Variants in RPGRIP1L observed in about 807,000 individuals in gnomAD.
RPGRIP1L encodes RPGRIP1 like, also known as protein fantom.
A neutral mutation model predicts 160.4 loss-of-function variants in RPGRIP1L; 131 were observed. The observed-to-expected ratio is 0.82, with a 90% CI of 0.71 to 0.94. The LOEUF (loss-of-function observed/expected upper bound fraction) is 0.94, where lower values mean the gene tolerates loss of function less well. Ranked by LOEUF, RPGRIP1L falls within the 40% of genes least tolerant of loss-of-function variation. The pLI is 0.00. For missense variants in RPGRIP1L, 1,522 were observed against 1,535.8 expected, an observed-to-expected ratio of 0.99 and a Z score of 0.15; for synonymous variants, 510 against 515.8, an observed-to-expected ratio of 0.99 and a Z score of 0.15.
chr16:53,634,354 T>A (rs995179077), intron 22 of RPGRIP1L, among the ~76,000 whole-genome samples: 1 of 152,284 alleles, frequency 6.6e-6, no homozygotes, highest in Middle Eastern at 3.4e-3. Context: ...CATTAGCCAT[T>A]ATGATTTCTT....
At chr16:53,652,333 A>G (rs1225362245) in intron 15 of RPGRIP1L, among the ~76,000 whole-genome samples, 1 of 152,174 alleles carries the variant, frequency 6.6e-6, no homozygotes, top group Non-Finnish European at 1.5e-5. Flanking sequence ...TCGGCCTCCC[A>G]AAGTGCTGGG....
chr16:53,691,116 T>C (rs1415932736), intron 4 of RPGRIP1L, among the ~76,000 whole-genome samples: 1 of 151,974 alleles, frequency 6.6e-6, no homozygotes, highest in Non-Finnish European at 1.5e-5. Flanking sequence ...TTCGTTTTTT[T>C]TTTTTTAATT....
chr16:53,657,198 C>A (rs1353541562), intron 13 of RPGRIP1L, among the ~76,000 whole-genome samples: 1 of 151,930 alleles, frequency 6.6e-6, no homozygotes, highest in Admixed American at 6.6e-5. Context: ...CACGATTGCG[C>A]CACTGGATTC....
At chr16:53,685,282 TG>T (rs1969921740) in intron 6 of RPGRIP1L, among the ~76,000 whole-genome samples, 1 of 152,238 alleles carries the variant, frequency 6.6e-6, no homozygotes, top group Non-Finnish European at 1.5e-5. Context: ...TCAACCATTG[TG>T]TAAGACTGTG....
At chr16:53,624,224 T>G (rs368265628) in intron 22 of RPGRIP1L, among the ~76,000 whole-genome samples, 6 of 152,188 alleles carry the variant, frequency 3.9e-5, no homozygotes, top group African/African-American at 1.4e-4. Context: ...CAGAACTATG[T>G]GAAGCTGCAG....
intron 2 of RPGRIP1L, among the ~76,000 whole-genome samples, chr16:53,697,022 C>CT (rs1970820078): frequency 6.6e-6 from 1 of 151,912 alleles, no homozygotes; most frequent in Non-Finnish European, 1.5e-5. Flanking sequence ...GGTGAAACCC[C>CT]GTCTCTACTA....
At chr16:53,651,381 T>C (rs1281499212) in intron 15 of RPGRIP1L, among the ~76,000 whole-genome samples, 1 of 152,202 alleles carries the variant, frequency 6.6e-6, no homozygotes, top group Non-Finnish European at 1.5e-5. Context: ...AACGGTCCTA[T>C]TTTCCCTCTT....
intron 4 of RPGRIP1L, among the ~76,000 whole-genome samples, chr16:53,691,542 T>C (rs1002819977): frequency 1.3e-4 from 20 of 152,222 alleles, no homozygotes; most frequent in Non-Finnish European, 2.1e-4. Flanking sequence ...AGGGTCAGAT[T>C]GATTAGGAGA....
intron 25 of RPGRIP1L, chr16:53,608,038 G>C (rs758708402): frequency 1.2e-6 from 1 of 850,592 alleles, no homozygotes; most frequent in African/African-American, 1.8e-5. Context: ...CAGGTGGAAG[G>C]AAGAACAGGA....
chr16:53,692,121 G>A lies in RPGRIP1L; in HGVS notation c.474C>T (p.Asn158=). The A allele has an allele frequency of 6.2e-7, 1 of 1,613,956 alleles. No homozygotes were observed. Among genetic ancestry groups the A allele is most frequent in the South Asian group, 1.1e-5 (1 of 91,076 alleles). Reference sequence around the variant, plus strand: ...TTTCATTTGCTTTTCTACGCCCAGTGTTAATACGAGATTGTACATTATTGT... The same window carrying A: ...TTTCATTTGCTTTTCTACGCCCAGTATTAATACGAGATTGTACATTATTGT... ...TPYNNVQSRI[N]TGRRKANENA... The change falls in exon 4 of 27, where the codon AAC becomes AAT. Residue 158 remains asparagine (N), a synonymous_variant. Coordinates refer to ENST00000647211, the MANE Select transcript of RPGRIP1L (RefSeq NM_015272.5).
chr16:53,670,700 C>T (rs1442411058), intron 9 of RPGRIP1L, among the ~76,000 whole-genome samples: 1 of 152,102 alleles, frequency 6.6e-6, no homozygotes, highest in Non-Finnish European at 1.5e-5. Flanking sequence ...TAAGTGGACA[C>T]CTTTGCTTTT....
rs569876518 is a variant in RPGRIP1L, at chr16:53,671,012, G to T, written c.1103+498C>A. ...CTCAGGCTGCTGAGGTGGGAGGATT[G>T]TTTGAGCCCAGGAAGTTGAGGCTGC... On this transcript the variant is annotated intron_variant, in intron 9 of 26. Transcript: ENST00000647211. Among the ~76,000 whole-genome samples the T allele has an allele frequency of 2.2e-4, 34 of 152,206 alleles. No individual in the cohort carries two copies. The East Asian group carries it at 6.4e-3, about 29-fold the overall frequency.
rs564150035 is a variant in RPGRIP1L, at chr16:53,601,761, C to T, written c.*315G>A. ...AAAAATAAAAATGGGAATTGCATTT[C>T]GGTTCTTCCTAAGAAAATGTTGAAA... On this transcript the variant is annotated 3_prime_UTR_variant, in exon 27 of 27. Coordinates refer to ENST00000647211, the MANE Select transcript of RPGRIP1L (RefSeq NM_015272.5). 2.7e-5 allele frequency: 7 copies of T among 260,070 alleles called. No homozygotes were observed. Among genetic ancestry groups the T allele is most frequent in the South Asian group, 1.9e-4 (3 of 16,194 alleles). 16.1% of individuals were successfully genotyped at this position (260,070 alleles called of 1,614,324 possible).
At position 53,662,632 on chromosome 16, in the gene RPGRIP1L, GT is replaced by G. The variant is rs1247299302; in HGVS notation, c.1243+2237del. ...AGATTTTCTTAAATAGACAGTTTCG[GT>G]TTTTTTGTGTATTATTTCCTTGGAA... On this transcript the variant is annotated intron_variant, in intron 10 of 26. Transcript: ENST00000647211. 3.3e-5 allele frequency among the ~76,000 whole-genome samples: 5 copies of G among 152,002 alleles called. No homozygotes were observed. In the South Asian group the frequency reaches 1.0e-3, roughly 32 times the overall value.
At chr16:53,649,973 C>T (rs1216965575) in intron 15 of RPGRIP1L, among the ~76,000 whole-genome samples, 2 of 152,110 alleles carry the variant, frequency 1.3e-5, no homozygotes, top group Non-Finnish European at 2.9e-5. Flanking sequence ...CCTGAACACA[C>T]CAGATTATTA....
intron 25 of RPGRIP1L, among the ~76,000 whole-genome samples, chr16:53,609,078 A>T (rs1177859369): frequency 6.6e-6 from 1 of 152,112 alleles, no homozygotes; most frequent in Non-Finnish European, 1.5e-5. Flanking sequence ...GGGAGTCATT[A>T]TAGTTACTGT....
At chr16:53,608,645 C>T (rs991095646) in intron 25 of RPGRIP1L, among the ~76,000 whole-genome samples, 35 of 152,122 alleles carry the variant, frequency 2.3e-4, no homozygotes, top group African/African-American at 8.0e-4. Flanking sequence ...TTAGACATGT[C>T]GGGGAAGATA....
chr16:53,625,391 G>T (rs975841828), intron 22 of RPGRIP1L, among the ~76,000 whole-genome samples: 2 of 150,778 alleles, frequency 1.3e-5, no homozygotes, highest in Non-Finnish European at 3.0e-5. Flanking sequence ...TGGGAACTGG[G>T]GGGGGCGCCT....
intron 4 of RPGRIP1L, 101 bp from the exon 5 acceptor site, chr16:53,688,066 A>AC: frequency 2.0e-5 from 15 of 754,382 alleles, no homozygotes; most frequent in South Asian, 3.1e-5. Context: ...TCTCTTAAGT[A>AC]TTAAGAGGTA....
Sources: allele counts gnomAD v4.1 joint callset (sites outside exome capture counted in the v4.1 genomes callset), GRCh38; gene constraint gnomAD v4.1.1; transcripts MANE v1.5; gene names NCBI Gene and HGNC (gene_info 2026-07-23, HGNC 2026-07-21).